MRPS6: variants seen among roughly 807,000 people sequenced by gnomAD.
MRPS6 encodes the protein mitochondrial ribosomal protein S6.
MRPS6 carries 6 observed loss-of-function variants against 13.1 expected under a neutral mutation model. That is an observed-to-expected ratio of 0.46 (90% CI 0.25 to 0.91). The LOEUF (loss-of-function observed/expected upper bound fraction) is 0.91, where lower values mean the gene tolerates loss of function less well. MRPS6 is among the 40% of genes least tolerant of loss of function. MRPS6 has a pLI of 0.18. For synonymous variants in MRPS6, 61 were observed against 56.5 expected, an observed-to-expected ratio of 1.08 and a Z score of -0.36; for missense variants, 164 against 155.6, an observed-to-expected ratio of 1.05 and a Z score of -0.29.
intron 1 of MRPS6, chr21:34,101,685 A>G (rs1228898241): frequency 6.0e-6 from 6 of 999,964 alleles, no homozygotes; most frequent in African/African-American, 1.7e-5. Flanking sequence ...TGGTGTGTGA[A>G]AGTGATGTTT....
At chr21:34,116,722 T>G (rs949405641) in intron 1 of MRPS6, among the ~76,000 whole-genome samples, 3 of 151,748 alleles carry the variant, frequency 2.0e-5, no homozygotes, top group Non-Finnish European at 4.4e-5. Context: ...AGCTGCTTGG[T>G]TTTATTCAGT....
chr21:34,091,283 C>CT (rs1978674990), intron 1 of MRPS6, among the ~76,000 whole-genome samples: 1 of 152,108 alleles, frequency 6.6e-6, no homozygotes, highest in Admixed American at 6.6e-5. Context: ...TGTCATTGAA[C>CT]TTATGACTTG....
chr21:34,102,485 A>G lies in MRPS6; in HGVS notation c.46-22856A>G, dbSNP rs140635598. 362 of 1,000,186 alleles carry G rather than the reference A, an allele frequency of 3.6e-4. 1 individual carries two copies. The African/African-American group carries it at 4.7e-3, about 13-fold the overall frequency. 62.0% of individuals were successfully genotyped at this position (1,000,186 alleles called of 1,614,324 possible). A position where few individuals can be genotyped will look rare whatever the true frequency, so the allele number is the denominator to read the frequency against. ...CCAACAACCCTAACCATTGGCATAT[A>G]TAGTCTTTCACTCAGAAATAAACAA... On this transcript the variant is annotated intron_variant, in intron 1 of 2. Transcript: ENST00000399312.
At chr21:34,079,944 C>T (rs911687313) in intron 1 of MRPS6, among the ~76,000 whole-genome samples, 1 of 152,248 alleles carries the variant, frequency 6.6e-6, no homozygotes, top group Non-Finnish European at 1.5e-5. Context: ...TTTATCGCTT[C>T]TCTGTCTTCT....
intron 1 of MRPS6, among the ~76,000 whole-genome samples, chr21:34,081,774 G>T (rs532545665): frequency 1.3e-5 from 2 of 152,152 alleles, no homozygotes; most frequent in African/African-American, 2.4e-5. Flanking sequence ...TAGGCAAGTC[G>T]CTGTGAACTT....
intron 1 of MRPS6, chr21:34,099,001 A>T: frequency 2.0e-6 from 2 of 990,560 alleles, no homozygotes; most frequent in Non-Finnish European, 2.4e-6. Flanking sequence ...AGTCTTTTTA[A>T]TTTTTTTGTA....
intron 1 of MRPS6, among the ~76,000 whole-genome samples, chr21:34,074,350 TTC>T (rs902786977): frequency 2.0e-5 from 3 of 152,250 alleles, no homozygotes; most frequent in Non-Finnish European, 2.9e-5. Context: ...CTTTTGACTT[TTC>T]TTTTTCTGAC....
At chr21:34,074,316 A>G (rs761854435) in intron 1 of MRPS6, among the ~76,000 whole-genome samples, 15 of 152,058 alleles carry the variant, frequency 9.9e-5, no homozygotes, top group South Asian at 2.1e-4. Flanking sequence ...GTCTCTTGCA[A>G]TCGCTCTCAT....
chr21:34,075,466 T>C (rs529346139), intron 1 of MRPS6, among the ~76,000 whole-genome samples: 2 of 152,280 alleles, frequency 1.3e-5, no homozygotes, highest in African/African-American at 4.8e-5. Context: ...TTTTTCACTC[T>C]AGTTCAGATC....
chr21:34,087,139 G>A (rs1017700358), intron 1 of MRPS6, among the ~76,000 whole-genome samples: 3 of 152,142 alleles, frequency 2.0e-5, no homozygotes, highest in African/African-American at 4.8e-5. Flanking sequence ...CTATGTCATG[G>A]GCCACTGAGA....
At chr21:34,138,968 A>C (rs62212139) in intron 2 of MRPS6, among the ~76,000 whole-genome samples, 9,257 of 151,810 alleles carry the variant, frequency 0.061, 316 homozygotes, top group Middle Eastern at 0.13. Context: ...CTGGATTAAG[A>C]AAATGTGGCA....
chr21:34,142,952 A>T lies in MRPS6; in HGVS notation c.*352A>T, dbSNP rs992664651. Reference sequence around the variant, plus strand: ...GTGAGCTAGTCATTCAGCCTGTGTAACCATGTGGAAATAAAAATTGACGAC... The same window carrying T: ...GTGAGCTAGTCATTCAGCCTGTGTATCCATGTGGAAATAAAAATTGACGAC... On this transcript the variant is annotated 3_prime_UTR_variant, in exon 3 of 3. Coordinates refer to ENST00000399312, the MANE Select transcript of MRPS6 (RefSeq NM_032476.4). 3 of 173,582 alleles carry T rather than the reference A, an allele frequency of 1.7e-5. No homozygotes were observed. Among genetic ancestry groups the T allele is most frequent in the African/African-American group, 7.1e-5 (3 of 42,166 alleles). 10.8% of individuals were successfully genotyped at this position (173,582 alleles called of 1,614,324 possible).
chr21:34,117,037 C>T (rs548664089), intron 1 of MRPS6, among the ~76,000 whole-genome samples: 79 of 152,276 alleles, frequency 5.2e-4, no homozygotes, highest in African/African-American at 1.8e-3. Context: ...ACTGATTCCC[C>T]ACACTAGAAG....
chr21:34,092,565 G>A lies in MRPS6; in HGVS notation c.45+18820G>A, dbSNP rs1480774025. ...GTTAGGGCTAGCATGAGAACTTCAT[G>A]CAGTTTGAGCATTCATCAGGCAGCA... is the stretch of plus-strand genomic sequence containing the variant. On this transcript the variant is annotated intron_variant, in intron 1 of 2. Coordinates refer to ENST00000399312, the MANE Select transcript of MRPS6 (RefSeq NM_032476.4). Among the ~76,000 whole-genome samples, 3 of 152,196 alleles carry A rather than the reference G, an allele frequency of 2.0e-5. No individual in the cohort carries two copies. In the East Asian group the frequency reaches 5.8e-4, roughly 29 times the overall value.
chr21:34,100,869 A>G, intron 1 of MRPS6: 2 of 1,000,178 alleles, frequency 2.0e-6, no homozygotes, highest in South Asian at 4.7e-5. Context: ...AAAGCGGCTT[A>G]TTAGCTACTC....
intron 1 of MRPS6, among the ~76,000 whole-genome samples, chr21:34,080,106 G>T (rs1464510047): frequency 1.3e-5 from 2 of 152,144 alleles, no homozygotes; most frequent in Non-Finnish European, 2.9e-5. Flanking sequence ...CTACTGAGGG[G>T]AGGATAGCTA....
chr21:34,092,358 G>GA (rs1467522839), intron 1 of MRPS6, among the ~76,000 whole-genome samples: 1 of 262 alleles, frequency 3.8e-3, no homozygotes, highest in East Asian at 0.12. Flanking sequence ...GTTTAAGTTG[G>GA]AAAAATCTAG....
At chr21:34,141,292 G>A (rs774747287) in intron 2 of MRPS6, among the ~76,000 whole-genome samples, 5 of 152,174 alleles carry the variant, frequency 3.3e-5, no homozygotes, top group African/African-American at 4.8e-5. Context: ...TGGTGAGAAC[G>A]TACTTTGTGG....
intron 1 of MRPS6, among the ~76,000 whole-genome samples, chr21:34,112,851 G>A (rs1007805354): frequency 6.6e-6 from 1 of 151,936 alleles, no homozygotes; most frequent in Non-Finnish European, 1.5e-5. Flanking sequence ...ACATAATTCA[G>A]AGAAACACAA....
Sources: allele counts gnomAD v4.1 joint callset (sites outside exome capture counted in the v4.1 genomes callset), GRCh38; gene constraint gnomAD v4.1.1; transcripts MANE v1.5; gene names NCBI Gene and HGNC (gene_info 2026-07-23, HGNC 2026-07-21).